The following NFIC variants were observed in gnomAD, a reference collection of about 807,000 sequenced individuals.
NFIC encodes nuclear factor 1 C-type.
In NFIC, 12 loss-of-function variants were observed where a neutral mutation model predicts 54.4. The ratio of observed to expected loss-of-function variants is 0.22; its 90% CI spans 0.14 to 0.36. NFIC has a LOEUF of 0.36. NFIC is among the 10% of genes least tolerant of loss of function. The pLI is 1.00. For missense variants in NFIC, 575 were observed against 718.2 expected, an observed-to-expected ratio of 0.80 and a Z score of 2.28; for synonymous variants, 322 against 319.2, an observed-to-expected ratio of 1.01 and a Z score of -0.09.
chr19:3,392,467 C>T (rs940567682), intron 2 of NFIC, among the ~76,000 whole-genome samples: 9 of 152,252 alleles, frequency 5.9e-5, no homozygotes, highest in African/African-American at 1.4e-4. Context: ...CCCACCACCC[C>T]GCAGACGCCC....
chr19:3,452,726 C>A lies in NFIC; in HGVS notation c.1269+60C>A. The A allele has an allele frequency of 6.6e-7, 1 of 1,522,964 alleles. No individual in the cohort carries two copies. The highest frequency in any genetic ancestry group is 8.8e-7 in the Non-Finnish European group (1 of 1,137,874). 94.3% of individuals were successfully genotyped at this position (1,522,964 alleles called of 1,614,324 possible). ...GCGGCTCCAGGTGACCTCCCGGGGG[C>A]CACGTGCTCACACGAAGGCACAACC... On this transcript the variant is annotated intron_variant, in intron 8 of 10. Coordinates refer to ENST00000443272, the MANE Select transcript of NFIC (RefSeq NM_001245002.2). The surrounding 1 kb of genome is among the most constrained non-coding windows in gnomAD (Gnocchi z 5.3).
chr19:3,437,160 G>A (rs1171236249), intron 6 of NFIC, among the ~76,000 whole-genome samples: 1 of 152,086 alleles, frequency 6.6e-6, no homozygotes, highest in Non-Finnish European at 1.5e-5. Context: ...GAGGTCAGGA[G>A]ATCGAGACCA....
At chr19:3,424,347 T>C (rs1281269714) in intron 2 of NFIC, among the ~76,000 whole-genome samples, 1 of 144,226 alleles carries the variant, frequency 6.9e-6, no homozygotes, top group Non-Finnish European at 1.5e-5. Flanking sequence ...TATTTTTTTG[T>C]TGTTGCTTAA....
intron 1 of NFIC, among the ~76,000 whole-genome samples, chr19:3,367,473 C>A (rs2080915330): frequency 1.2e-5 from 1 of 82,350 alleles, no homozygotes; most frequent in South Asian, 3.7e-4. Flanking sequence ...CCTGCCCCGT[C>A]CCCTCCCCCT....
intron 2 of NFIC, among the ~76,000 whole-genome samples, chr19:3,412,358 A>G (rs976123729): frequency 2.6e-5 from 4 of 152,148 alleles, no homozygotes; most frequent in Non-Finnish European, 5.9e-5. Context: ...AGCCATCCCC[A>G]CCTCAGCCTC....
chr19:3,423,261 A>G (rs963839828), intron 2 of NFIC, among the ~76,000 whole-genome samples: 1 of 152,126 alleles, frequency 6.6e-6, no homozygotes, highest in African/African-American at 2.4e-5. Context: ...CTCGTGATTG[A>G]GGTCTCCAAA....
At position 3,370,597 on chromosome 19, in the gene NFIC, C is replaced by G. The variant is rs1341518539; in HGVS notation, c.30+3931C>G. On this transcript the variant is annotated intron_variant, in intron 1 of 10. Coordinates refer to ENST00000443272, the MANE Select transcript of NFIC (RefSeq NM_001245002.2). This position sits in a 1 kb window ranked among gnomAD's most constrained non-coding sequence, Gnocchi z 5.2. ...TCCGTCTTTCCCTCTTCCTTTCTCTCTCTCTCCCCGTCTCCCTTCTCTCCC... is the reference window on the plus strand; with the variant it reads ...TCCGTCTTTCCCTCTTCCTTTCTCTGTCTCTCCCCGTCTCCCTTCTCTCCC... 6.6e-6 allele frequency among the ~76,000 whole-genome samples: 1 copy of G among 151,170 alleles called. No homozygotes were observed. The highest frequency in any genetic ancestry group is 1.5e-5 in the Non-Finnish European group (1 of 67,734).
intron 6 of NFIC, among the ~76,000 whole-genome samples, chr19:3,448,222 G>A (rs1027239848): frequency 1.1e-4 from 17 of 152,262 alleles, no homozygotes; most frequent in Middle Eastern, 3.4e-3. Flanking sequence ...ACAGGCACCC[G>A]CCACCACACC....
chr19:3,385,404 C>G (rs2145486300), intron 2 of NFIC, among the ~76,000 whole-genome samples: 1 of 152,086 alleles, frequency 6.6e-6, no homozygotes, highest in South Asian at 2.1e-4. Context: ...TGTCAAGTGC[C>G]CAGGGTGAGA....
At chr19:3,366,883 G>A (rs1374417323) in intron 1 of NFIC, among the ~76,000 whole-genome samples, 1 of 151,506 alleles carries the variant, frequency 6.6e-6, no homozygotes, top group Non-Finnish European at 1.5e-5. Flanking sequence ...CCCCCTACGC[G>A]GGACTCCCGC....
In NFIC at chr19:3,463,794, C is replaced by T. The variant is rs2121972638; in HGVS notation, c.*1025C>T. ...GTTGGGGGTGCCCGTCTGGAGCGCC[C>T]CCGTCAGCCCCTGGCGGTGGGAGGT... On this transcript the variant is annotated 3_prime_UTR_variant, in exon 11 of 11. Transcript: ENST00000443272. 1 of 985,330 alleles carries T rather than the reference C, an allele frequency of 1.0e-6. No individual in the cohort carries two copies. Among genetic ancestry groups the T allele is most frequent in the South Asian group, 4.7e-5 (1 of 21,282 alleles). 61.0% of individuals were successfully genotyped at this position (985,330 alleles called of 1,614,324 possible). A position where few individuals can be genotyped will look rare whatever the true frequency, so the allele number is the denominator to read the frequency against.
intron 6 of NFIC, among the ~76,000 whole-genome samples, chr19:3,443,390 T>C (rs2082322357): frequency 6.7e-6 from 1 of 150,116 alleles, no homozygotes; most frequent in African/African-American, 2.5e-5. Context: ...ACCAGTGCAC[T>C]CCAGTCTGGG....
At chr19:3,371,515 G>A (rs2081010395) in intron 1 of NFIC, 1 of 151,874 alleles carries the variant, frequency 6.6e-6, no homozygotes, top group African/African-American at 2.4e-5. Context: ...ATGAATGAAT[G>A]AATGTTTTTG....
chr19:3,454,007 GC>G, intron 9 of NFIC, 91 bp downstream of exon 9: 1 of 1,413,114 alleles, frequency 7.1e-7, no homozygotes, highest in African/African-American at 1.5e-5. Flanking sequence ...CAGAGGTCAG[GC>G]CCGACCCTGC....
upstream of NFIC, among the ~76,000 whole-genome samples, chr19:3,362,865 T>C (rs546068652): frequency 3.3e-5 from 5 of 152,242 alleles, no homozygotes; most frequent in South Asian, 1.0e-3. Context: ...GATTATGTCC[T>C]TTATTCTCTG....
intron 3 of NFIC, among the ~76,000 whole-genome samples, chr19:3,430,931 C>CAAAAAAA (rs59760975): frequency 2.5e-5 from 2 of 80,150 alleles, no homozygotes; most frequent in African/African-American, 4.8e-5. Flanking sequence ...GACTCCGTCT[C>CAAAAAAA]AAAAAAAAAA....
At chr19:3,373,710 C>T (rs999970423) in intron 1 of NFIC, among the ~76,000 whole-genome samples, 2 of 149,490 alleles carry the variant, frequency 1.3e-5, no homozygotes, top group Admixed American at 6.8e-5. Context: ...CCCAACTTGA[C>T]GTTTTATTAC....
Position 3,368,299 on chromosome 19 carries a change from T to TC in NFIC, c.30+1638dup, listed in dbSNP as rs1431086448. On this transcript the variant is annotated intron_variant, in intron 1 of 10. Transcript: ENST00000443272. ...GAAGGCTGCCTGTGCACCCTGGAAT[T>TC]CCCCCATCAGGGCTGGTTGGGAGAC... Among the ~76,000 whole-genome samples, 3 of 152,072 alleles carry TC rather than the reference T, an allele frequency of 2.0e-5. No individual in the cohort carries two copies. The East Asian group carries it at 5.8e-4, about 29-fold the overall frequency.
chr19:3,417,765 A>T (rs1337855595), intron 2 of NFIC, among the ~76,000 whole-genome samples: 1 of 148,580 alleles, frequency 6.7e-6, no homozygotes, highest in Non-Finnish European at 1.5e-5. Flanking sequence ...AGCTGGGACT[A>T]CAGGCGCCCG....
Sources: allele counts gnomAD v4.1 joint callset (sites outside exome capture counted in the v4.1 genomes callset), GRCh38; gene constraint gnomAD v4.1.1; non-coding constraint Gnocchi (gnomAD v3.1); transcripts MANE v1.5; gene names NCBI Gene and HGNC (gene_info 2026-07-23, HGNC 2026-07-21).